Variants in HERC1 observed in about 807,000 individuals in gnomAD.
HERC1 encodes probable E3 ubiquitin-protein ligase HERC1.
A neutral mutation model predicts 554.3 loss-of-function variants in HERC1; 160 were observed. The observed-to-expected ratio is 0.29, with a 90% CI of 0.25 to 0.33. The LOEUF is 0.33. Ranked by LOEUF, HERC1 falls within the 10% of genes least tolerant of loss-of-function variation. The pLI, the probability that HERC1 is intolerant of heterozygous loss-of-function variation, is 1.00. For synonymous variants in HERC1, 2,175 were observed against 2,131.7 expected (o/e 1.02, Z -0.56); for missense variants, 4,919 against 5,918.5 (o/e 0.83, Z 5.54).
chr15:63,693,137 C>A (rs2072210297), intron 30 of HERC1, among the ~76,000 whole-genome samples: 1 of 152,026 alleles, frequency 6.6e-6, no homozygotes, highest in African/African-American at 2.4e-5. Flanking sequence ...CAGATCATGC[C>A]ACTGCACTCC....
rs770061334 is a variant in HERC1 at position 63,626,124 on chromosome 15, G to A, written c.13136C>T (p.Pro4379Leu). The change falls in exon 71 of 78, where the codon CCT (proline) becomes CTT (leucine). Residue 4379 changes from proline to leucine, a missense_variant. Transcript: ENST00000443617. ...CCCATACTGGGGGGGCACTGTGTCA[G>A]GCAGGCCCAGCTGCAGAGGTACTGA... ...GVSVPLQLGL[P>L]DTVPPQYGAL... The A allele has an allele frequency of 6.2e-7, 1 of 1,613,658 alleles. No homozygotes were observed. Among genetic ancestry groups the A allele is most frequent in the Non-Finnish European group, 8.5e-7 (1 of 1,179,774 alleles).
chr15:63,821,379 C>T (rs920263095), intron 1 of HERC1, among the ~76,000 whole-genome samples: 1 of 151,614 alleles, frequency 6.6e-6, no homozygotes, highest in Admixed American at 6.6e-5. Context: ...ATAGCAAAAC[C>T]CCATCTCTAC....
chr15:63,622,940 G>A (rs1404588158), intron 73 of HERC1, 49 bp from the exon 74 acceptor site: 3 of 1,185,306 alleles, frequency 2.5e-6, no homozygotes, highest in Middle Eastern at 1.9e-4. Context: ...TCAAATGCAT[G>A]AAGAGAACAA....
chr15:63,740,289 T>A (rs2074742581), intron 12 of HERC1, among the ~76,000 whole-genome samples: 1 of 152,248 alleles, frequency 6.6e-6, no homozygotes, highest in Non-Finnish European at 1.5e-5. Flanking sequence ...TAAATAATAT[T>A]ACATTGTATG....
chr15:63,653,335 C>T (rs545489895), intron 51 of HERC1, among the ~76,000 whole-genome samples: 5 of 151,882 alleles, frequency 3.3e-5, no homozygotes, highest in South Asian at 2.1e-4. Context: ...CCCAGCTATG[C>T]GGGAGGCTGA....
At chr15:63,815,855 G>T (rs1425030473) in intron 1 of HERC1, among the ~76,000 whole-genome samples, 1 of 152,186 alleles carries the variant, frequency 6.6e-6, no homozygotes, top group Non-Finnish European at 1.5e-5. Context: ...AATCATGGCA[G>T]AAGGGGTTAG....
Position 63,642,966 on chromosome 15 carries a change from A to G in HERC1, c.11424T>C (p.Asn3808=). The change falls in exon 59 of 78, where the codon AAT becomes AAC. Residue 3808 remains asparagine, a synonymous_variant. Transcript: ENST00000443617. ...ATAACTACAATATTACCTTTGATCTATTTGAGCAAGCAGCTACTCCAACTT... is the reference window on the plus strand; with the variant it reads ...ATAACTACAATATTACCTTTGATCTGTTTGAGCAAGCAGCTACTCCAACTT... ...IPEVGVAACS[N]RSKDVLVVNC... 3 of 1,587,138 alleles carry G rather than the reference A, an allele frequency of 1.9e-6. No individual in the cohort carries two copies. Among genetic ancestry groups the G allele is most frequent in the Non-Finnish European group, 2.6e-6 (3 of 1,155,902 alleles).
At position 63,692,684 on chromosome 15, in the gene HERC1, C is replaced by G; in HGVS notation, c.5675-118G>C. 1.1e-6 allele frequency: 1 copy of G among 870,340 alleles called. No homozygotes were observed. The highest frequency in any genetic ancestry group is 1.7e-6 in the Non-Finnish European group (1 of 593,268). The allele number at this position is 870,340 out of a possible 1,614,324, so 53.9% of individuals were successfully genotyped here. A position where few individuals can be genotyped will look rare whatever the true frequency, so the allele number is the denominator to read the frequency against. On this transcript the variant is annotated intron_variant, in intron 30 of 77. Transcript: ENST00000443617. This position sits in a 1 kb window ranked among gnomAD's most constrained non-coding sequence, Gnocchi z 4.7. ...AATCTAATGCAAAATCTTAGGCTGT[C>G]AGCTACTGAATTCTGAAAACTTAAA...
intron 31 of HERC1, among the ~76,000 whole-genome samples, chr15:63,691,403 T>A (rs540659006): frequency 4.0e-5 from 6 of 151,552 alleles, no homozygotes; most frequent in African/African-American, 1.5e-4. Context: ...AAGTGAGAGG[T>A]TGCAGTGAGT....
At chr15:63,728,669 C>A (rs989837364) in intron 16 of HERC1, among the ~76,000 whole-genome samples, 18 of 151,910 alleles carry the variant, frequency 1.2e-4, no homozygotes, top group Admixed American at 1.2e-3. Context: ...ATATAGGAGT[C>A]ATTAATATGT....
intron 25 of HERC1, among the ~76,000 whole-genome samples, chr15:63,701,119 G>A (rs1477302455): frequency 6.6e-6 from 1 of 151,834 alleles, no homozygotes; most frequent in African/African-American, 2.4e-5. Context: ...AATATAAAAT[G>A]CGCAAGGAAC....
chr15:63,772,683 C>T (rs1222516374), intron 2 of HERC1, among the ~76,000 whole-genome samples: 6 of 152,224 alleles, frequency 3.9e-5, no homozygotes, highest in African/African-American at 7.2e-5. Flanking sequence ...GAGGCCTACA[C>T]GCCTCCCACA....
intron 1 of HERC1, among the ~76,000 whole-genome samples, chr15:63,791,806 A>G (rs138535952): frequency 3.6e-4 from 55 of 152,328 alleles, no homozygotes; most frequent in African/African-American, 1.3e-3. Flanking sequence ...AAAGAAGTTG[A>G]TATTTCTTCA....
At chr15:63,741,474 G>A (rs555653363) in intron 12 of HERC1, among the ~76,000 whole-genome samples, 14 of 152,018 alleles carry the variant, frequency 9.2e-5, no homozygotes, top group South Asian at 6.2e-4. Flanking sequence ...CACTACACCC[G>A]GCTAATTTTT....
At chr15:63,757,974 C>T (rs1596171635) in intron 4 of HERC1, among the ~76,000 whole-genome samples, 1 of 152,140 alleles carries the variant, frequency 6.6e-6, no homozygotes, top group Admixed American at 6.5e-5. Context: ...TCCCAAAGTG[C>T]TGGGATTACA....
chr15:63,808,100 T>A, intron 1 of HERC1, among the ~76,000 whole-genome samples: 2 of 142,672 alleles, frequency 1.4e-5, no homozygotes, highest in Non-Finnish European at 1.5e-5. Flanking sequence ...AAGTTTAGCA[T>A]AACATTATAG....
At chr15:63,669,105 A>G (rs1310064292) in intron 40 of HERC1, among the ~76,000 whole-genome samples, 1 of 152,260 alleles carries the variant, frequency 6.6e-6, no homozygotes, top group Non-Finnish European at 1.5e-5. Context: ...AGCAGTAACA[A>G]AACGATATCT....
intron 68 of HERC1, among the ~76,000 whole-genome samples, chr15:63,631,942 T>TA (rs1477879868): frequency 1.3e-5 from 2 of 152,220 alleles, no homozygotes; most frequent in Non-Finnish European, 2.9e-5. Context: ...CTGGGTTTTT[T>TA]AGATGATACG....
chr15:63,751,616 A>G (rs554680577), intron 8 of HERC1, among the ~76,000 whole-genome samples: 1 of 152,292 alleles, frequency 6.6e-6, no homozygotes, highest in African/African-American at 2.4e-5. Context: ...AGAGGCCTGA[A>G]AGTGCTGAGA....
Sources: gnomAD v4.1 joint callset for allele counts (sites outside exome capture counted in the v4.1 genomes callset) on GRCh38, gnomAD v4.1.1 for gene constraint, Gnocchi (gnomAD v3.1) non-coding constraint, MANE v1.5 for transcripts, NCBI Gene and HGNC (gene_info 2026-07-23, HGNC 2026-07-21) for gene names.